Variants in MFHAS1 observed in about 807,000 individuals in gnomAD.
The protein encoded by MFHAS1 is malignant fibrous histiocytoma-amplified sequence 1.
MFHAS1 carries 50 observed loss-of-function variants against 70.4 expected under a neutral mutation model. That is an observed-to-expected ratio of 0.71 (90% CI 0.57 to 0.90). The LOEUF is 0.90. MFHAS1 is among the 40% of genes least tolerant of loss of function. The pLI is 0.00. For missense variants in MFHAS1, 1,795 were observed against 1,347.6 expected, an observed-to-expected ratio of 1.33 and a Z score of -5.20; for synonymous variants, 952 against 620.0, an observed-to-expected ratio of 1.54 and a Z score of -7.96.
At chr8:8,867,707 G>T (rs913416563) in intron 1 of MFHAS1, among the ~76,000 whole-genome samples, 1 of 151,728 alleles carries the variant, frequency 6.6e-6, no homozygotes, top group Non-Finnish European at 1.5e-5. Context: ...ACAGGCACCC[G>T]CCACCACACC....
intron 1 of MFHAS1, among the ~76,000 whole-genome samples, chr8:8,856,598 T>C (rs1432390768): frequency 6.6e-6 from 1 of 152,210 alleles, no homozygotes; most frequent in Non-Finnish European, 1.5e-5. Flanking sequence ...AATTGGGAAA[T>C]TAGCTTAATA....
At chr8:8,838,763 G>C (rs1807697775) in intron 1 of MFHAS1, among the ~76,000 whole-genome samples, 1 of 148,634 alleles carries the variant, frequency 6.7e-6, no homozygotes, top group African/African-American at 2.5e-5. Context: ...AGTGAGTCGA[G>C]ACTGCACCAC....
In MFHAS1 at chr8:8,892,000, C is replaced by G; in HGVS notation, c.1059G>C (p.Gln353His). ...GLEELVLQGN[Q>H]IAVLPDHFGQ... ...CAAAGTGGTCGGGCAGCACCGCGATCTGGTTCCCCTGCAGCACGAGCTCCT... is the reference window on the plus strand; with the variant it reads ...CAAAGTGGTCGGGCAGCACCGCGATGTGGTTCCCCTGCAGCACGAGCTCCT... Residue 353 changes from glutamine to histidine, a missense_variant, in exon 1 of 3, where the codon CAG (glutamine) becomes CAC (histidine). Physicochemically the swap from Gln to His is conservative, Grantham distance 24 (BLOSUM62 0). Coordinates refer to ENST00000276282, the MANE Select transcript of MFHAS1 (RefSeq NM_004225.3). The surrounding 1 kb of genome is among the most constrained non-coding windows in gnomAD (Gnocchi z 5.4). 6.2e-7 allele frequency: 1 copy of G among 1,613,578 alleles called. No individual in the cohort carries two copies. The highest frequency in any genetic ancestry group is 2.2e-5 in the East Asian group (1 of 44,884).
At position 8,876,051 on chromosome 8, in the gene MFHAS1, G is replaced by A. The variant is rs188103424; in HGVS notation, c.2998+14010C>T. Among the ~76,000 whole-genome samples the A allele has an allele frequency of 2.0e-5, 3 of 152,290 alleles. No individual in the cohort carries two copies. In the East Asian group the frequency reaches 5.8e-4, roughly 29 times the overall value. On this transcript the variant is annotated intron_variant, in intron 1 of 2. Coordinates refer to ENST00000276282, the MANE Select transcript of MFHAS1 (RefSeq NM_004225.3). ...TTAGACTCTTGTACCTTCTGGAATG[G>A]TGGAAACAGCAGCAAACTCCTACTG...
chr8:8,832,058 GCGCGCA>G (rs1184763526), intron 1 of MFHAS1, among the ~76,000 whole-genome samples: 39 of 146,076 alleles, frequency 2.7e-4, no homozygotes, highest in African/African-American at 1.1e-3. Flanking sequence ...ACGCGCGCGC[GCGCGCA>G]CACACACACA....
intron 1 of MFHAS1, among the ~76,000 whole-genome samples, chr8:8,847,613 G>C (rs116809329): frequency 6.6e-6 from 1 of 152,156 alleles, no homozygotes; most frequent in East Asian, 1.9e-4. Flanking sequence ...AATAAAAAGA[G>C]CCCTATGCTT....
chr8:8,889,176 A>T (rs902959582), intron 1 of MFHAS1, among the ~76,000 whole-genome samples: 5 of 152,186 alleles, frequency 3.3e-5, no homozygotes, highest in Non-Finnish European at 7.3e-5. Context: ...TTCCGTCTCA[A>T]TTATTAAGCA....
At chr8:8,865,953 G>A (rs752413746) in intron 1 of MFHAS1, among the ~76,000 whole-genome samples, 1 of 152,188 alleles carries the variant, frequency 6.6e-6, no homozygotes, top group Non-Finnish European at 1.5e-5. Flanking sequence ...AGGCGGCTTG[G>A]CCTACTCTCC....
chr8:8,831,565 G>T (rs761024308), intron 1 of MFHAS1, among the ~76,000 whole-genome samples: 1 of 151,262 alleles, frequency 6.6e-6, no homozygotes, highest in Non-Finnish European at 1.5e-5. Context: ...CAGACATATA[G>T]ATCAATAGAA....
chr8:8,845,405 G>A (rs922589236), intron 1 of MFHAS1, among the ~76,000 whole-genome samples: 2 of 152,140 alleles, frequency 1.3e-5, no homozygotes, highest in South Asian at 2.1e-4. Flanking sequence ...AGAGCATACC[G>A]GGTAGTGAAA....
intron 1 of MFHAS1, among the ~76,000 whole-genome samples, chr8:8,833,119 C>T (rs1392939751): frequency 6.6e-6 from 1 of 152,090 alleles, no homozygotes. Context: ...TTTAAACAAC[C>T]AGATCCCATG....
At chr8:8,887,104 G>A (rs1358511669) in intron 1 of MFHAS1, among the ~76,000 whole-genome samples, 1 of 152,114 alleles carries the variant, frequency 6.6e-6, no homozygotes, top group East Asian at 1.9e-4. Context: ...TCCAGCCTGG[G>A]CAACAGAGCA....
At chr8:8,805,193 G>C (rs778527021) in intron 1 of MFHAS1, among the ~76,000 whole-genome samples, 6 of 152,096 alleles carry the variant, frequency 3.9e-5, no homozygotes, top group Non-Finnish European at 8.8e-5. Context: ...ATCTCTACCA[G>C]AATTTAGTCT....
intron 2 of MFHAS1, among the ~76,000 whole-genome samples, chr8:8,787,085 A>T (rs748849153): frequency 1.5e-3 from 190 of 128,066 alleles, no homozygotes; most frequent in African/African-American, 3.3e-3. Context: ...TATTATTATT[A>T]TTTTTTTTTT....
At chr8:8,799,997 A>C (rs1004174714) in intron 1 of MFHAS1, among the ~76,000 whole-genome samples, 4 of 152,190 alleles carry the variant, frequency 2.6e-5, no homozygotes, top group Non-Finnish European at 4.4e-5. Flanking sequence ...TGGGATGTGA[A>C]CTTGGGAACC....
chr8:8,813,381 G>A (rs1397805210), intron 1 of MFHAS1, among the ~76,000 whole-genome samples: 1 of 152,158 alleles, frequency 6.6e-6, no homozygotes, highest in East Asian at 1.9e-4. Flanking sequence ...AACAGCCTCA[G>A]GCAGGCCCTT....
chr8:8,854,362 A>G (rs1002934115), intron 1 of MFHAS1, among the ~76,000 whole-genome samples: 1 of 152,228 alleles, frequency 6.6e-6, no homozygotes, highest in Non-Finnish European at 1.5e-5. Flanking sequence ...TCTACTAAAA[A>G]TACAAAAAAT....
chr8:8,884,636 G>C (rs540676135), intron 1 of MFHAS1, among the ~76,000 whole-genome samples: 21 of 152,234 alleles, frequency 1.4e-4, no homozygotes, highest in African/African-American at 5.1e-4. Context: ...TACTACCTGG[G>C]ATTTTCACTG....
intron 1 of MFHAS1, among the ~76,000 whole-genome samples, 190 bp downstream of exon 1, chr8:8,889,871 T>C (rs536986883): frequency 6.6e-6 from 1 of 152,226 alleles, no homozygotes; most frequent in Non-Finnish European, 1.5e-5. Context: ...ATGACACTTG[T>C]GACTGCATTT....
Sources: allele counts gnomAD v4.1 joint callset (sites outside exome capture counted in the v4.1 genomes callset), GRCh38; gene constraint gnomAD v4.1.1; non-coding constraint Gnocchi (gnomAD v3.1); transcripts MANE v1.5; gene names NCBI Gene and HGNC (gene_info 2026-07-23, HGNC 2026-07-21).